LOC128092252: variants seen among roughly 807,000 people sequenced by gnomAD.
the LOC128092252 span, chr15:50,686,557 A>C: frequency 6.2e-7 from 1 of 1,609,518 alleles, no homozygotes; most frequent in African/African-American, 1.3e-5. Context: ...CGGACTCCGG[A>C]AGGGCAGCAA....
At chr15:50,667,153 T>C in the LOC128092252 span, among the ~76,000 whole-genome samples, 1 of 152,016 alleles carries the variant, frequency 6.6e-6, no homozygotes, top group African/African-American at 2.4e-5. Flanking sequence ...TAATGGCAGT[T>C]ATGGGGAAAT....
At chr15:50,648,994 TTTATA>T in the LOC128092252 span, 3 of 707,984 alleles carry the variant, frequency 4.2e-6, no homozygotes, top group Non-Finnish European at 6.3e-6. Context: ...ATTTTTATAT[TTTATA>T]TAAGTATAAA....
chr15:50,682,341 G>C, the LOC128092252 span, among the ~76,000 whole-genome samples: 2 of 151,544 alleles, frequency 1.3e-5, no homozygotes, highest in Non-Finnish European at 2.9e-5. Context: ...CAGAAAAACA[G>C]GTTAAAAAAA....
At chr15:50,666,820 G>A in the LOC128092252 span, among the ~76,000 whole-genome samples, 4 of 151,972 alleles carry the variant, frequency 2.6e-5, no homozygotes, top group Non-Finnish European at 5.9e-5. Flanking sequence ...AAGAAGAGGC[G>A]GTGGAGGTGG....
the LOC128092252 span, among the ~76,000 whole-genome samples, chr15:50,677,592 A>T: frequency 6.6e-6 from 1 of 151,976 alleles, no homozygotes; most frequent in South Asian, 2.1e-4. Context: ...CACAAAAATT[A>T]GCCGGGTGTG....
chr15:50,680,821 T>C, the LOC128092252 span, among the ~76,000 whole-genome samples: 1 of 152,222 alleles, frequency 6.6e-6, no homozygotes, highest in African/African-American at 2.4e-5. Flanking sequence ...TCCAAGTTTC[T>C]GTAGTTTGGC....
the LOC128092252 span, among the ~76,000 whole-genome samples, chr15:50,655,587 A>T: frequency 6.6e-6 from 1 of 152,152 alleles, no homozygotes; most frequent in Non-Finnish European, 1.5e-5. Context: ...GAAAAAAAAA[A>T]TATTTAAAGT....
At chr15:50,660,480 CCT>C in the LOC128092252 span, among the ~76,000 whole-genome samples, 31 of 152,156 alleles carry the variant, frequency 2.0e-4, no homozygotes, top group African/African-American at 5.8e-4. Context: ...TGGTGAAACC[CCT>C]GTCTCTACTA....
At chr15:50,669,384 G>A in the LOC128092252 span, among the ~76,000 whole-genome samples, 15 of 152,060 alleles carry the variant, frequency 9.9e-5, no homozygotes, top group South Asian at 1.2e-3. Context: ...GCAGTGAGCC[G>A]AGGTCATGCC....
chr15:50,670,024 A>T, the LOC128092252 span, among the ~76,000 whole-genome samples: 3 of 152,352 alleles, frequency 2.0e-5, no homozygotes, highest in Middle Eastern at 3.4e-3. Context: ...TTAAACACTT[A>T]TTAATCTTTC....
At chr15:50,648,941 A>C in the LOC128092252 span, 2 of 1,415,620 alleles carry the variant, frequency 1.4e-6, no homozygotes, top group Non-Finnish European at 1.9e-6. Context: ...TTAATGAAAA[A>C]ATGGAATTAA....
At chr15:50,663,750 A>G in the LOC128092252 span, among the ~76,000 whole-genome samples, 1 of 152,142 alleles carries the variant, frequency 6.6e-6, no homozygotes, top group Admixed American at 6.6e-5. Flanking sequence ...GGATCCTTTT[A>G]GACAGAATTC....
At chr15:50,649,178 C>G in the LOC128092252 span, among the ~76,000 whole-genome samples, 1 of 152,020 alleles carries the variant, frequency 6.6e-6, no homozygotes, top group East Asian at 1.9e-4. Context: ...GTGGCTCACG[C>G]GGGTAATCCC....
the LOC128092252 span, among the ~76,000 whole-genome samples, chr15:50,666,379 T>G: frequency 2.0e-5 from 3 of 151,776 alleles, no homozygotes; most frequent in Admixed American, 2.0e-4. Context: ...AGCTCGAGGC[T>G]GCAGCGAGCT....
At chr15:50,673,061 C>CA in the LOC128092252 span, among the ~76,000 whole-genome samples, 3,697 of 151,692 alleles carry the variant, frequency 0.024, 145 homozygotes, top group African/African-American at 0.086. Context: ...AGTAAGCTAG[C>CA]GTTAATTTAT....
chr15:50,662,028 G>A, the LOC128092252 span, among the ~76,000 whole-genome samples: 1 of 151,960 alleles, frequency 6.6e-6, no homozygotes, highest in Non-Finnish European at 1.5e-5. Flanking sequence ...GACCAGCCTG[G>A]CCAACATAGT....
At chr15:50,679,897 A>T in the LOC128092252 span, among the ~76,000 whole-genome samples, 96 of 152,050 alleles carry the variant, frequency 6.3e-4, no homozygotes, top group African/African-American at 2.2e-3. Context: ...GACTTTTCTA[A>T]TCTACTAAGG....
the LOC128092252 span, among the ~76,000 whole-genome samples, chr15:50,663,458 T>G: frequency 0.17 from 25,383 of 152,132 alleles, 2,828 homozygotes; most frequent in East Asian, 0.44. Flanking sequence ...AATTTTTTAT[T>G]TACTTTTCAC....
At chr15:50,657,038 A>T in the LOC128092252 span, among the ~76,000 whole-genome samples, 1 of 152,080 alleles carries the variant, frequency 6.6e-6, no homozygotes, top group Non-Finnish European at 1.5e-5. Context: ...CAAAAAATAA[A>T]ATCAGCCGGG....
Sources: gnomAD v4.1 joint callset for allele counts (sites outside exome capture counted in the v4.1 genomes callset) on GRCh38, gnomAD v4.1.1 for gene constraint, MANE v1.5 for transcripts.